Variants in MAGI2 observed in about 807,000 individuals in gnomAD.
MAGI2 encodes the protein membrane associated guanylate kinase, WW and PDZ domain containing 2.
A neutral mutation model predicts 133.3 loss-of-function variants in MAGI2; 35 were observed. The observed-to-expected ratio is 0.26, with a 90% CI of 0.20 to 0.35. MAGI2 has a LOEUF of 0.35. MAGI2 is among the 10% of genes least tolerant of loss of function. The pLI is 1.00. For missense variants in MAGI2, 1,636 were observed against 1,863.4 expected (o/e 0.88, Z 2.25); for synonymous variants, 729 against 710.6 (o/e 1.03, Z -0.41).
chr7:78,652,990 T>C (rs1312738941), intron 2 of MAGI2, among the ~76,000 whole-genome samples: 1 of 151,068 alleles, frequency 6.6e-6, no homozygotes, highest in Non-Finnish European at 1.5e-5. Flanking sequence ...GAACAGACAC[T>C]TCTCAGAGGA....
chr7:78,216,010 G>C (rs374610837), intron 10 of MAGI2, among the ~76,000 whole-genome samples: 7 of 152,188 alleles, frequency 4.6e-5, no homozygotes, highest in African/African-American at 1.7e-4. Context: ...CATAAAAAAT[G>C]AAATAGTCAT....
At chr7:78,236,096 A>G (rs1790512212) in intron 10 of MAGI2, among the ~76,000 whole-genome samples, 1 of 150,968 alleles carries the variant, frequency 6.6e-6, no homozygotes. Flanking sequence ...AAACTAGCAC[A>G]ATTTGTGGGT....
chr7:78,176,998 T>G (rs182228576), intron 14 of MAGI2, among the ~76,000 whole-genome samples: 1 of 146,680 alleles, frequency 6.8e-6, no homozygotes, highest in East Asian at 2.1e-4. Flanking sequence ...AGAAACAAAA[T>G]TGATAATGAT....
chr7:78,283,433 G>A (rs529128147), intron 9 of MAGI2, among the ~76,000 whole-genome samples: 38 of 152,164 alleles, frequency 2.5e-4, no homozygotes, highest in African/African-American at 7.0e-4. Flanking sequence ...AGGTCAGTCT[G>A]ATATTGTGTC....
chr7:78,777,005 T>C (rs1826038668), intron 2 of MAGI2, among the ~76,000 whole-genome samples: 1 of 152,218 alleles, frequency 6.6e-6, no homozygotes, highest in Admixed American at 6.5e-5. Flanking sequence ...TCTCACCCTG[T>C]CTCATAGGCT....
chr7:79,268,999 G>A (rs575638725), intron 1 of MAGI2, among the ~76,000 whole-genome samples: 9 of 152,214 alleles, frequency 5.9e-5, no homozygotes, highest in South Asian at 2.1e-4. Flanking sequence ...TCTTCCCCAC[G>A]TCATTCCCAC....
chr7:78,236,212 C>A (rs972623731), intron 10 of MAGI2, among the ~76,000 whole-genome samples: 1 of 151,958 alleles, frequency 6.6e-6, no homozygotes, highest in Non-Finnish European at 1.5e-5. Context: ...GCACCTGGCA[C>A]ATTTATGGAA....
At chr7:78,475,180 A>G (rs1791616982) in intron 6 of MAGI2, among the ~76,000 whole-genome samples, 1 of 152,004 alleles carries the variant, frequency 6.6e-6, no homozygotes, top group South Asian at 2.1e-4. Flanking sequence ...AATGGGAACA[A>G]CACAGTTTTA....
intron 21 of MAGI2, among the ~76,000 whole-genome samples, chr7:78,033,792 G>A (rs1277235933): frequency 1.3e-5 from 2 of 152,166 alleles, no homozygotes; most frequent in African/African-American, 2.4e-5. Context: ...GTGGGCTGCT[G>A]TGGGAAGGGG....
At chr7:78,807,943 C>A (rs896489463) in intron 2 of MAGI2, among the ~76,000 whole-genome samples, 1 of 152,112 alleles carries the variant, frequency 6.6e-6, no homozygotes, top group Non-Finnish European at 1.5e-5. Context: ...ATGCTAGTGC[C>A]TTGCCCCAGA....
intron 1 of MAGI2, among the ~76,000 whole-genome samples, chr7:79,380,099 T>C (rs1231779256): frequency 1.3e-5 from 2 of 151,836 alleles, no homozygotes; most frequent in Non-Finnish European, 2.9e-5. Flanking sequence ...AAGGACTTCA[T>C]GTCTAAGACA....
chr7:78,513,985 G>A (rs1795822548), intron 4 of MAGI2, among the ~76,000 whole-genome samples: 1 of 151,292 alleles, frequency 6.6e-6, no homozygotes, highest in Non-Finnish European at 1.5e-5. Flanking sequence ...CTACTTGGGA[G>A]GGTGAGGCAG....
At chr7:78,744,176 A>G (rs1563442865) in intron 2 of MAGI2, among the ~76,000 whole-genome samples, 1 of 152,180 alleles carries the variant, frequency 6.6e-6, no homozygotes. Flanking sequence ...AAACCCATTG[A>G]TATCCTCTTT....
chr7:78,983,346 T>C (rs1254346146), intron 2 of MAGI2, among the ~76,000 whole-genome samples: 2 of 152,042 alleles, frequency 1.3e-5, no homozygotes, highest in Non-Finnish European at 1.5e-5. Flanking sequence ...ATTATAAAAC[T>C]ACTGTTCTAA....
chr7:79,135,977 A>AAGAC (rs1821381389), intron 1 of MAGI2, among the ~76,000 whole-genome samples: 1 of 35,778 alleles, frequency 2.8e-5, no homozygotes, highest in Non-Finnish European at 1.2e-4. Context: ...GAAAGAAAGA[A>AAGAC]AGAAAGAAAG....
chr7:78,594,673 GTCTTGATC>G (rs1443536772), intron 3 of MAGI2, among the ~76,000 whole-genome samples: 3 of 152,086 alleles, frequency 2.0e-5, no homozygotes, highest in South Asian at 4.1e-4. Context: ...GGCCAGGATG[GTCTTGATC>G]TCTTGATCTC....
intron 6 of MAGI2, among the ~76,000 whole-genome samples, chr7:78,445,661 T>C (rs1216849421): frequency 2.0e-5 from 3 of 152,084 alleles, no homozygotes; most frequent in Non-Finnish European, 2.9e-5. Context: ...TTTCATGTTC[T>C]GGAAAATTAT....
At chr7:79,045,550 T>C (rs1584779178) in intron 1 of MAGI2, among the ~76,000 whole-genome samples, 1 of 152,182 alleles carries the variant, frequency 6.6e-6, no homozygotes, top group East Asian at 1.9e-4. Context: ...GGTGTCACTT[T>C]GGGAGGCGGA....
chr7:79,341,145 C>A (rs769364120), intron 1 of MAGI2, among the ~76,000 whole-genome samples: 12 of 151,978 alleles, frequency 7.9e-5, no homozygotes, highest in Non-Finnish European at 2.9e-5. Context: ...AGTATTGGGT[C>A]AAGAAATGCC....
Sources: allele counts gnomAD v4.1 joint callset (sites outside exome capture counted in the v4.1 genomes callset), GRCh38; gene constraint gnomAD v4.1.1; transcripts MANE v1.5; gene names NCBI Gene and HGNC (gene_info 2026-07-23, HGNC 2026-07-21).